PCDHGA3: variants seen among roughly 807,000 people sequenced by gnomAD.
PCDHGA3 encodes the protein protocadherin gamma subfamily A, 3, also known as protocadherin gamma-A3.
A neutral mutation model predicts 58.5 loss-of-function variants in PCDHGA3; 40 were observed. The ratio of observed to expected loss-of-function variants is 0.68; its 90% confidence interval spans 0.53 to 0.89. The LOEUF (loss-of-function observed/expected upper bound fraction) is 0.89, where lower values mean the gene tolerates loss of function less well. Among genes scored for constraint, PCDHGA3 ranks in the 40% least tolerant of loss-of-function variants. The pLI is 0.00. For missense variants in PCDHGA3, 1,223 were observed against 1,195.9 expected (o/e 1.02, Z -0.33); for synonymous variants, 530 against 525.7 (o/e 1.01, Z -0.11).
Position 141,424,165 on chromosome 5 carries a change from A to G in PCDHGA3, c.2425-70642A>G, listed in dbSNP as rs1328883463. 2.8e-5 allele frequency: 7 copies of G among 251,918 alleles called. No individual in the cohort carries two copies. The South Asian group carries it at 4.6e-4, about 17-fold the overall frequency. The allele number at this position is 251,918 out of a possible 1,614,324, so 15.6% of individuals were successfully genotyped here. On this transcript the variant is annotated intron_variant, in intron 1 of 3. Transcript: ENST00000253812. Reference sequence around the variant, plus strand: ...CTCCCTCTAGCTCTCCTTCTCATCTATCTATCTATACACATGCACACACAC... The same window carrying G: ...CTCCCTCTAGCTCTCCTTCTCATCTGTCTATCTATACACATGCACACACAC...
At chr5:141,463,653 G>T (rs1378583183) in intron 1 of PCDHGA3, among the ~76,000 whole-genome samples, 1 of 151,764 alleles carries the variant, frequency 6.6e-6, no homozygotes. Context: ...GGGTTTCACC[G>T]TGTTAGCCAG....
intron 1 of PCDHGA3, chr5:141,413,290 A>T: frequency 6.2e-7 from 1 of 1,613,924 alleles, no homozygotes; most frequent in Non-Finnish European, 8.5e-7. Context: ...CTCCTACTCA[A>T]TTCCTGAGGA....
At chr5:141,403,868 A>T (rs2094463706) in intron 1 of PCDHGA3, 2 of 1,613,752 alleles carry the variant, frequency 1.2e-6, no homozygotes, top group Non-Finnish European at 1.7e-6. Context: ...AACAGCAAAA[A>T]GTCTAGATTA....
Position 141,485,274 on chromosome 5 carries a change from C to A in PCDHGA3, c.2425-9533C>A. 1 of 1,614,106 alleles carries A rather than the reference C, an allele frequency of 6.2e-7. No homozygotes were observed. The highest frequency in any genetic ancestry group is 1.3e-5 in the African/African-American group (1 of 75,036). ...TACGTTTGTGGGCAGATCCGCTACC[C>A]GGTCCCAGAGGAGTCACAGGAAGGG... On this transcript the variant is annotated intron_variant, in intron 1 of 3. Transcript: ENST00000253812. The surrounding 1 kb of genome is among the most constrained non-coding windows in gnomAD (Gnocchi z 5.7).
At chr5:141,421,767 C>T in intron 1 of PCDHGA3, 2 of 1,613,906 alleles carry the variant, frequency 1.2e-6, no homozygotes, top group South Asian at 1.1e-5. Context: ...ATTACTTTTC[C>T]TTGCAACTGC....
rs2099883627 is a variant in PCDHGA3, at chr5:141,511,136, G to A, written c.2762G>A (p.Gly921Asp). 4.3e-6 allele frequency: 7 copies of A among 1,614,194 alleles called. No homozygotes were observed. The East Asian group carries it at 1.6e-4, about 36-fold the overall frequency. The change falls in exon 4 of 4, where the codon GGC (glycine) becomes GAC (aspartate). Residue 921 changes from glycine (G) to aspartate (D), a missense_variant. Physicochemically the swap from Gly to Asp is moderately conservative, Grantham distance 94. This residue lies in a region of PCDHGA3 where 325 missense variants were observed against 327.5 expected (regional missense o/e 0.99). Coordinates refer to ENST00000253812, the MANE Select transcript of PCDHGA3 (RefSeq NM_018916.4). ...GGCAAGGCCCCAGCAGGTGGCAATG[G>A]CAACAAGAAGAAGTCGGGCAAGAAG... Reference protein sequence around the residue: ...RDGKAPAGGNGNKKKSGKKEK... With the variant: ...RDGKAPAGGNDNKKKSGKKEK...
At chr5:141,445,767 T>C (rs2098476828) in intron 1 of PCDHGA3, among the ~76,000 whole-genome samples, 1 of 152,142 alleles carries the variant, frequency 6.6e-6, no homozygotes, top group African/African-American at 2.4e-5. Flanking sequence ...ACTCAAGCAA[T>C]TTAAAAGGGC....
In PCDHGA3 at chr5:141,477,294, C is replaced by G. The variant is rs753131175; in HGVS notation, c.2425-17513C>G. On this transcript the variant is annotated intron_variant, in intron 1 of 3. Coordinates refer to ENST00000253812, the MANE Select transcript of PCDHGA3 (RefSeq NM_018916.4). This position sits in a 1 kb window ranked among gnomAD's most constrained non-coding sequence, Gnocchi z 4.9. ...GGGCTGGTGACCTGCGAAGTTCCACCGGGTCTCCCTTTCAGCCTTACTTCT... is the reference window on the plus strand; with the variant it reads ...GGGCTGGTGACCTGCGAAGTTCCACGGGGTCTCCCTTTCAGCCTTACTTCT... The G allele has an allele frequency of 2.1e-5, 34 of 1,614,024 alleles. No individual in the cohort carries two copies. Among genetic ancestry groups the G allele is most frequent in the Non-Finnish European group, 2.9e-5 (34 of 1,180,036 alleles).
chr5:141,432,601 G>C lies in PCDHGA3; in HGVS notation c.2425-62206G>C. The C allele has an allele frequency of 6.2e-7, 1 of 1,613,952 alleles. No homozygotes were observed. The highest frequency in any genetic ancestry group is 8.5e-7 in the Non-Finnish European group (1 of 1,179,984). On this transcript the variant is annotated intron_variant, in intron 1 of 3. Coordinates refer to ENST00000253812, the MANE Select transcript of PCDHGA3 (RefSeq NM_018916.4). The surrounding 1 kb of genome is among the most constrained non-coding windows in gnomAD (Gnocchi z 6.0). ...ACCGTCTGCTCAAGGCCAGCGAGCC[G>C]GGACTCTTCTCGGTGGGTCTGCACA...
chr5:141,419,522 C>A, intron 1 of PCDHGA3: 4 of 1,612,178 alleles, frequency 2.5e-6, no homozygotes, highest in Non-Finnish European at 3.4e-6. Context: ...GGTGGGCGAC[C>A]GTAACGACAA....
chr5:141,345,228 G>C lies in PCDHGA3; in HGVS notation c.1195G>C (p.Asp399His), dbSNP rs992315059. The change falls in exon 1 of 4, where the codon GAT becomes CAT. Residue 399 changes from aspartate (D) to histidine (H), a missense_variant. By Grantham distance (81) the Asp-to-His change is moderately conservative (BLOSUM62 -1). Coordinates refer to ENST00000253812, the MANE Select transcript of PCDHGA3 (RefSeq NM_018916.4). ...GCCATTTAAGTTAGAAAAATCAATA[G>C]ATCAATATTACCGCTTAGTGACGGC... ...NLPFKLEKSI[D>H]QYYRLVTATS... The C allele has an allele frequency of 8.7e-6, 14 of 1,613,812 alleles. No individual in the cohort carries two copies. The highest frequency in any genetic ancestry group is 1.2e-5 in the Non-Finnish European group (14 of 1,179,894).
At chr5:141,453,807 A>G (rs752553367) in intron 1 of PCDHGA3, among the ~76,000 whole-genome samples, 3 of 152,250 alleles carry the variant, frequency 2.0e-5, no homozygotes, top group Non-Finnish European at 4.4e-5. Flanking sequence ...GAGTAGTTCC[A>G]TAAAGGACAA....
chr5:141,421,860 C>T (rs759779291), intron 1 of PCDHGA3: 1 of 1,613,750 alleles, frequency 6.2e-7, no homozygotes. Flanking sequence ...CTCACCTGCT[C>T]CTCCTCACAG....
At chr5:141,508,830 C>G (rs1320903059) in intron 3 of PCDHGA3, among the ~76,000 whole-genome samples, 2 of 152,150 alleles carry the variant, frequency 1.3e-5, no homozygotes, top group Non-Finnish European at 2.9e-5. Flanking sequence ...CTGGGCCCCC[C>G]TCCCCTACCC....
At chr5:141,409,050 G>C (rs371257178) in intron 1 of PCDHGA3, 1 of 1,613,988 alleles carries the variant, frequency 6.2e-7, no homozygotes. Context: ...TACTTCCGAA[G>C]CACTGCCCAG....
rs1358924038 is a variant in PCDHGA3, at chr5:141,345,284, A to C, written c.1251A>C (p.Glu417Asp). ...ATSLDREQISEYNISLRASDG... is the reference protein window; with the variant it reads ...ATSLDREQISDYNISLRASDG... Reference sequence around the variant, plus strand: ...CCCTGGACCGCGAACAAATATCAGAATATAACATTAGTCTGAGAGCCTCAG... The same window carrying C: ...CCCTGGACCGCGAACAAATATCAGACTATAACATTAGTCTGAGAGCCTCAG... The change falls in exon 1 of 4, where the codon GAA becomes GAC. Residue 417 changes from glutamate to aspartate, a missense_variant. Glu to Asp is a conservative substitution (Grantham distance 45). Coordinates refer to ENST00000253812, the MANE Select transcript of PCDHGA3 (RefSeq NM_018916.4). 6.2e-7 allele frequency: 1 copy of C among 1,613,860 alleles called. No individual in the cohort carries two copies.
chr5:141,485,768 C>G lies in PCDHGA3; in HGVS notation c.2425-9039C>G. ...GGTCCCAGAGCTGCTCCTGGAGAAG[C>G]CTTTGGATCGAGAGAAGCAATCGGA... On this transcript the variant is annotated intron_variant, in intron 1 of 3. Coordinates refer to ENST00000253812, the MANE Select transcript of PCDHGA3 (RefSeq NM_018916.4). The surrounding 1 kb of genome is among the most constrained non-coding windows in gnomAD (Gnocchi z 5.7). 5 of 1,614,192 alleles carry G rather than the reference C, an allele frequency of 3.1e-6. No homozygotes were observed. The South Asian group carries it at 3.3e-5, about 11-fold the overall frequency.
chr5:141,371,138 G>C lies in PCDHGA3; in HGVS notation c.2424+24681G>C, dbSNP rs761615775. 4.3e-6 allele frequency: 7 copies of C among 1,613,870 alleles called. No individual in the cohort carries two copies. In the East Asian group the frequency reaches 1.6e-4, roughly 36 times the overall value. On this transcript the variant is annotated intron_variant, in intron 1 of 3. Transcript: ENST00000253812. ...CAGTATTTACTCAGGACATGTACAG[G>C]GTCAATGTTGCAGAGAACCTGCCCG...
chr5:141,404,658 C>T, intron 1 of PCDHGA3: 2 of 1,614,198 alleles, frequency 1.2e-6, no homozygotes, highest in Non-Finnish European at 1.7e-6. Context: ...GCCCTCCCCA[C>T]TGATGGTTCT....
Sources: gnomAD v4.1 joint callset for allele counts (sites outside exome capture counted in the v4.1 genomes callset) on GRCh38, gnomAD v4.1.1 for gene constraint, gnomAD v4.1.1 regional missense constraint, Gnocchi (gnomAD v3.1) non-coding constraint, MANE v1.5 for transcripts, NCBI Gene and HGNC (gene_info 2026-07-23, HGNC 2026-07-21) for gene names.